Variants in DCUN1D4 observed in about 807,000 individuals in gnomAD.
DCUN1D4 encodes the protein DCN1-like protein 4.
In DCUN1D4, 22 loss-of-function variants were observed where a neutral mutation model predicts 47.9. The observed-to-expected ratio is 0.46, with a 90% CI of 0.33 to 0.66. The LOEUF is 0.66. Among genes scored for constraint, DCUN1D4 ranks in the 30% least tolerant of loss-of-function variants. The pLI is 0.02. For missense variants in DCUN1D4, 301 were observed against 340.8 expected (o/e 0.88, Z 0.92); for synonymous variants, 121 against 112.2 (o/e 1.08, Z -0.50).
chr4:51,860,094 A>G (rs1467542664), intron 1 of DCUN1D4, among the ~76,000 whole-genome samples: 1 of 152,210 alleles, frequency 6.6e-6, no homozygotes, highest in Non-Finnish European at 1.5e-5. Flanking sequence ...TTGTGAATCT[A>G]TCTTTTAATG....
In DCUN1D4 at chr4:51,886,560, T is replaced by C. The variant is rs200956870; in HGVS notation, c.344-8T>C. 1.2e-6 allele frequency: 2 copies of C among 1,613,384 alleles called. No individual in the cohort carries two copies. Among genetic ancestry groups the C allele is most frequent in the East Asian group, 4.5e-5 (2 of 44,824 alleles). On this transcript the variant is annotated splice_polypyrimidine_tract_variant and splice_region_variant and intron_variant, in intron 5 of 10. Coordinates refer to ENST00000334635, the MANE Select transcript of DCUN1D4 (RefSeq NM_001040402.3). ...CAGATTTAATTTACATAAGACTGTATTTCACAGGAACTGATGATGTTGTAG... is the reference window on the plus strand; with the variant it reads ...CAGATTTAATTTACATAAGACTGTACTTCACAGGAACTGATGATGTTGTAG...
intron 8 of DCUN1D4, chr4:51,909,511 AAC>A (rs1276408332): frequency 6.5e-6 from 1 of 154,360 alleles, no homozygotes; most frequent in East Asian, 1.9e-4. Context: ...AAGCCCTTGA[AAC>A]ACAACAAACC....
intron 5 of DCUN1D4, among the ~76,000 whole-genome samples, chr4:51,884,747 G>C (rs904014181): frequency 6.6e-6 from 1 of 152,140 alleles, no homozygotes; most frequent in African/African-American, 2.4e-5. Flanking sequence ...CATTGCGAGG[G>C]GTCACAGTAC....
At chr4:51,834,114 C>CTTTTTTTTTTT in the DCUN1D4 span, among the ~76,000 whole-genome samples, 373 of 37,178 alleles carry the variant, frequency 0.01, 84 homozygotes, top group African/African-American at 0.036. Flanking sequence ...TTTTTTTTTT[C>CTTTTTTTTTTT]TTTTTTTTTT....
chr4:51,894,095 A>G (rs1392096961), intron 7 of DCUN1D4, among the ~76,000 whole-genome samples: 1 of 152,122 alleles, frequency 6.6e-6, no homozygotes, highest in African/African-American at 2.4e-5. Flanking sequence ...AGGTGGTGGC[A>G]GGTGGGTTCT....
rs775715186 is a variant in DCUN1D4, at chr4:51,911,083, G to A, written c.629G>A (p.Arg210His). ...AFDFAREKDQ[R>H]SLDINTAKCM... ...TTTGTTAAACAGGAAAAGGACCAGC[G>A]CAGCCTAGACATAAACACTGCCAAG... The change falls in exon 9 of 11, where the codon CGC becomes CAC. Residue 210 changes from arginine (R) to histidine (H), a missense_variant. Transcript: ENST00000334635. 10 of 1,613,556 alleles carry A rather than the reference G, an allele frequency of 6.2e-6. No homozygotes were observed. The highest frequency in any genetic ancestry group is 1.7e-5 in the Admixed American group (1 of 59,936).
intron 1 of DCUN1D4, among the ~76,000 whole-genome samples, chr4:51,847,563 T>C (rs1010638255): frequency 5.9e-5 from 9 of 152,120 alleles, no homozygotes; most frequent in Admixed American, 3.3e-4. Context: ...CATGGCCTTA[T>C]GTCTGAGACA....
At chr4:51,885,285 C>T (rs750712758) in intron 5 of DCUN1D4, among the ~76,000 whole-genome samples, 5 of 152,042 alleles carry the variant, frequency 3.3e-5, no homozygotes, top group Non-Finnish European at 7.4e-5. Flanking sequence ...AGAATAAAGC[C>T]TTGAAAGAGC....
chr4:51,913,754 A>G lies in DCUN1D4; in HGVS notation c.*170A>G. Reference sequence around the variant, plus strand: ...TGGCCAGCTCTGCTTGCTGTGTGGCATTGTTCTCTTGGAAGGCTGCTTTGC... The same window carrying G: ...TGGCCAGCTCTGCTTGCTGTGTGGCGTTGTTCTCTTGGAAGGCTGCTTTGC... On this transcript the variant is annotated 3_prime_UTR_variant, in exon 11 of 11. Transcript: ENST00000334635. 2 of 594,700 alleles carry G rather than the reference A, an allele frequency of 3.4e-6. No homozygotes were observed. 36.8% of individuals were successfully genotyped at this position (594,700 alleles called of 1,614,324 possible).
chr4:51,849,976 CA>C, intron 1 of DCUN1D4, among the ~76,000 whole-genome samples: 1 of 152,182 alleles, frequency 6.6e-6, no homozygotes, highest in East Asian at 1.9e-4. Context: ...AAATTATACT[CA>C]TTTTAAGTGT....
intron 1 of DCUN1D4, among the ~76,000 whole-genome samples, chr4:51,857,043 T>A (rs1394419233): frequency 6.6e-6 from 1 of 152,256 alleles, no homozygotes; most frequent in Admixed American, 6.5e-5. Context: ...ACTCGACTCA[T>A]ACCGTATTGT....
intron 1 of DCUN1D4, among the ~76,000 whole-genome samples, chr4:51,844,153 G>A (rs1350626387): frequency 1.3e-5 from 2 of 150,112 alleles, no homozygotes; most frequent in African/African-American, 4.9e-5. Flanking sequence ...GGGGAGGAAG[G>A]GGAGGTGGGG....
chr4:51,903,654 G>A (rs1312624381), intron 8 of DCUN1D4, among the ~76,000 whole-genome samples: 1 of 152,132 alleles, frequency 6.6e-6, no homozygotes, highest in Non-Finnish European at 1.5e-5. Flanking sequence ...TGTCCCACAA[G>A]CCACTGATGC....
intron 7 of DCUN1D4, among the ~76,000 whole-genome samples, chr4:51,895,268 C>A (rs1006698760): frequency 2.0e-5 from 3 of 151,544 alleles, no homozygotes; most frequent in Admixed American, 2.0e-4. Flanking sequence ...GGCTGTGAAA[C>A]CAGAGTTTTT....
At chr4:51,862,495 G>T (rs1334324626) in intron 1 of DCUN1D4, among the ~76,000 whole-genome samples, 3 of 152,140 alleles carry the variant, frequency 2.0e-5, no homozygotes, top group African/African-American at 2.4e-5. Flanking sequence ...TTTCAGTAAA[G>T]GGAGCTTTTT....
At chr4:51,837,654 C>CAAAAAAAAAAAAAAAAAAAA in the DCUN1D4 span, among the ~76,000 whole-genome samples, 7 of 46,180 alleles carry the variant, frequency 1.5e-4, 1 homozygote, top group African/African-American at 5.8e-4. Flanking sequence ...GACTCCGTCT[C>CAAAAAAAAAAAAAAAAAAAA]AAAAAAAAAA....
intron 6 of DCUN1D4, among the ~76,000 whole-genome samples, chr4:51,889,730 C>T (rs971823466): frequency 2.6e-5 from 4 of 152,092 alleles, no homozygotes; most frequent in Admixed American, 6.5e-5. Context: ...AATCGATATA[C>T]AAGAGTCAGA....
intron 8 of DCUN1D4, among the ~76,000 whole-genome samples, chr4:51,902,487 A>T (rs1172330205): frequency 6.6e-6 from 1 of 152,216 alleles, no homozygotes; most frequent in African/African-American, 2.4e-5. Context: ...CTTTACCATT[A>T]TGTAATGTCT....
At chr4:51,835,223 A>T in the DCUN1D4 span, among the ~76,000 whole-genome samples, 1 of 152,224 alleles carries the variant, frequency 6.6e-6, no homozygotes, top group Non-Finnish European at 1.5e-5. Context: ...ATCTGCTAGG[A>T]TTTCATTCTC....
Sources: allele counts gnomAD v4.1 joint callset (sites outside exome capture counted in the v4.1 genomes callset), GRCh38; gene constraint gnomAD v4.1.1; transcripts MANE v1.5; gene names NCBI Gene and HGNC (gene_info 2026-07-23, HGNC 2026-07-21).